The following DPP6 variants were observed in gnomAD, a reference collection of about 807,000 sequenced individuals.
DPP6 encodes dipeptidyl peptidase like 6.
Under a neutral mutation model 122.6 loss-of-function variants are expected in DPP6, and 69 were observed. That is an observed-to-expected ratio of 0.56 (90% CI 0.46 to 0.69). The LOEUF (loss-of-function observed/expected upper bound fraction) is 0.69, where lower values mean the gene tolerates loss of function less well. Ranked by LOEUF, DPP6 falls within the 30% of genes least tolerant of loss-of-function variation. DPP6 has a pLI of 0.00. For synonymous variants in DPP6, 418 were observed against 433.1 expected (o/e 0.97, Z 0.43); for missense variants, 928 against 1,116.9 (o/e 0.83, Z 2.41).
intron 1 of DPP6, among the ~76,000 whole-genome samples, chr7:154,167,885 TG>T (rs962900689): frequency 6.6e-6 from 1 of 152,072 alleles, no homozygotes; most frequent in African/African-American, 2.4e-5. Context: ...AGGCTCAGAG[TG>T]TATGCAGGGC....
At chr7:153,850,543 G>A in the DPP6 span, among the ~76,000 whole-genome samples, 1 of 152,100 alleles carries the variant, frequency 6.6e-6, no homozygotes, top group African/African-American at 2.4e-5. Flanking sequence ...TCAAGGAGAA[G>A]GTATATTAGT....
At chr7:153,868,499 A>T in the DPP6 span, among the ~76,000 whole-genome samples, 1 of 151,896 alleles carries the variant, frequency 6.6e-6, no homozygotes, top group South Asian at 2.1e-4. Flanking sequence ...GTGGTGATAT[A>T]ACCTTTGTCA....
At chr7:154,071,388 A>C (rs1257223975) in intron 1 of DPP6, among the ~76,000 whole-genome samples, 1 of 152,218 alleles carries the variant, frequency 6.6e-6, no homozygotes, top group African/African-American at 2.4e-5. Flanking sequence ...AGTCAGCAAG[A>C]GTTCGAAGCG....
intron 15 of DPP6, among the ~76,000 whole-genome samples, chr7:154,805,750 A>G (rs1798656791): frequency 6.6e-6 from 1 of 152,036 alleles, no homozygotes; most frequent in African/African-American, 2.4e-5. Flanking sequence ...TGTTCTCACT[A>G]AAGGAGGCTT....
At chr7:154,671,407 A>T (rs1369931096) in intron 7 of DPP6, among the ~76,000 whole-genome samples, 1 of 152,174 alleles carries the variant, frequency 6.6e-6, no homozygotes, top group Non-Finnish European at 1.5e-5. Flanking sequence ...AGTAGTCAGG[A>T]GAAGACCATC....
At chr7:153,848,165 A>T in the DPP6 span, among the ~76,000 whole-genome samples, 21 of 151,792 alleles carry the variant, frequency 1.4e-4, no homozygotes, top group African/African-American at 4.6e-4. Flanking sequence ...GCTAGCGCTG[A>T]GGGCATTTAT....
intron 3 of DPP6, among the ~76,000 whole-genome samples, chr7:154,487,570 G>A (rs906149807): frequency 6.6e-6 from 1 of 152,216 alleles, no homozygotes; most frequent in Non-Finnish European, 1.5e-5. Flanking sequence ...AAAAGAGTCT[G>A]AGAGCTCAGG....
chr7:154,781,321 C>T (rs1320058759), intron 10 of DPP6, among the ~76,000 whole-genome samples: 1 of 152,128 alleles, frequency 6.6e-6, no homozygotes, highest in East Asian at 1.9e-4. Flanking sequence ...ATGTTCACAG[C>T]ATTAAATTGT....
chr7:153,867,239 G>A, the DPP6 span, among the ~76,000 whole-genome samples: 279 of 152,218 alleles, frequency 1.8e-3, 1 homozygote, highest in African/African-American at 6.3e-3. Flanking sequence ...ATTACCTTGG[G>A]CAGTATGGCC....
At chr7:154,785,575 T>G (rs1302255627) in intron 10 of DPP6, among the ~76,000 whole-genome samples, 1 of 152,328 alleles carries the variant, frequency 6.6e-6, no homozygotes, top group East Asian at 1.9e-4. Context: ...ATTTGTAAAC[T>G]GAGATTAGTC....
intron 3 of DPP6, among the ~76,000 whole-genome samples, chr7:154,519,407 C>T (rs182275390): frequency 2.4e-4 from 37 of 152,310 alleles, no homozygotes; most frequent in Admixed American, 1.6e-3. Flanking sequence ...TACCAGGAGA[C>T]GTCTGCCTTT....
chr7:154,664,133 G>C (rs142106225), intron 6 of DPP6, among the ~76,000 whole-genome samples: 1 of 144,884 alleles, frequency 6.9e-6, no homozygotes, highest in Non-Finnish European at 1.5e-5. Context: ...TCACCATGGC[G>C]TATTGGCCGT....
the DPP6 span, among the ~76,000 whole-genome samples, chr7:153,815,655 CA>C: frequency 1.3e-5 from 2 of 152,032 alleles, no homozygotes; most frequent in South Asian, 4.2e-4. Flanking sequence ...CACAAACTCC[CA>C]AGAAGTTAGT....
chr7:153,884,624 T>C (rs1423458294), upstream of DPP6, among the ~76,000 whole-genome samples: 1 of 152,246 alleles, frequency 6.6e-6, no homozygotes, highest in East Asian at 1.9e-4. Context: ...TTAATCCGTA[T>C]GATTCCACTT....
chr7:154,529,093 G>A (rs550780621), intron 3 of DPP6, among the ~76,000 whole-genome samples: 7 of 152,282 alleles, frequency 4.6e-5, no homozygotes, highest in African/African-American at 1.4e-4. Context: ...TAAGGAGAGC[G>A]ACCCATTAGG....
In DPP6 at chr7:154,739,699, C is replaced by T. The variant is rs117151812; in HGVS notation, c.883+11812C>T. ...TCATCATCTCTTCAATGCGAAGGTT[C>T]GTAATTGTCACATGCACCTTGCAAT... On this transcript the variant is annotated intron_variant, in intron 8 of 25. Transcript: ENST00000377770. Among the ~76,000 whole-genome samples the T allele has an allele frequency of 3.7e-4, 56 of 152,306 alleles. No homozygotes were observed. In the East Asian group the frequency reaches 8.7e-3, roughly 24 times the overall value.
the DPP6 span, among the ~76,000 whole-genome samples, chr7:153,850,618 A>G: frequency 6.6e-6 from 1 of 152,152 alleles, no homozygotes; most frequent in Non-Finnish European, 1.5e-5. Context: ...AAGAGGTTTC[A>G]TTGACTCACA....
chr7:154,885,841 C>G, intron 22 of DPP6, 97 bp downstream of exon 22: 2 of 1,491,788 alleles, frequency 1.3e-6, no homozygotes, highest in Non-Finnish European at 1.8e-6. Context: ...GCACCACCGT[C>G]CCGCTAACCA....
chr7:153,873,584 A>G, the DPP6 span, among the ~76,000 whole-genome samples: 3 of 152,202 alleles, frequency 2.0e-5, no homozygotes, highest in East Asian at 1.9e-4. Context: ...GAATTGTGAG[A>G]GCTTTTAAAA....
Sources: gnomAD v4.1 joint callset for allele counts (sites outside exome capture counted in the v4.1 genomes callset) on GRCh38, gnomAD v4.1.1 for gene constraint, MANE v1.5 for transcripts, NCBI Gene and HGNC (gene_info 2026-07-23, HGNC 2026-07-21) for gene names.